Variants in GNS observed in about 807,000 individuals in gnomAD.
GNS encodes N-acetylglucosamine-6-sulfatase.
GNS carries 40 observed loss-of-function variants against 69.7 expected under a neutral mutation model. The observed-to-expected ratio is 0.57, with a 90% CI of 0.45 to 0.75. The LOEUF (loss-of-function observed/expected upper bound fraction) is 0.75. GNS is among the 30% of genes least tolerant of loss of function. The pLI is 0.00. For missense variants in GNS, 565 were observed against 685.5 expected (o/e 0.82, Z 1.96); for synonymous variants, 243 against 251.6 (o/e 0.97, Z 0.32).
chr12:64,736,193 A>T (rs1423397215), intron 9 of GNS, among the ~76,000 whole-genome samples: 1 of 152,194 alleles, frequency 6.6e-6, no homozygotes, highest in African/African-American at 2.4e-5. Context: ...AGTATTTTGG[A>T]TGAAGGTCCT....
In GNS at chr12:64,739,414, T is replaced by C. The variant is rs771918136; in HGVS notation, c.961A>G (p.Ile321Val). The change falls in exon 8 of 14, where the codon ATC (isoleucine) becomes GTC (valine). Residue 321 changes from isoleucine to valine, a missense_variant. Physicochemically the swap from Ile to Val is conservative, Grantham distance 29. This residue lies in a region of GNS where 384 missense variants were observed against 511.0 expected (regional missense o/e 0.75). Transcript: ENST00000258145. The part of the protein sequence containing the change: ...EFTGELNNTY[I>V]FYTSDNGYHT... ...TAGCCATTGTCTGAGGTATAGAAGA[T>C]GTAAGTGTTGTTGAGCTCCCCAGTG... The C allele has an allele frequency of 6.5e-5, 104 of 1,588,222 alleles. No individual in the cohort carries two copies. Among genetic ancestry groups the C allele is most frequent in the Non-Finnish European group, 8.3e-5 (96 of 1,156,634 alleles).
At chr12:64,758,701 G>T (rs1351388547) in intron 1 of GNS, among the ~76,000 whole-genome samples, 2 of 152,094 alleles carry the variant, frequency 1.3e-5, no homozygotes, top group African/African-American at 4.8e-5. Context: ...CCCTCATAAA[G>T]GGGACTGGAC....
At chr12:64,731,923 C>T (rs1869403544) in intron 9 of GNS, among the ~76,000 whole-genome samples, 1 of 152,008 alleles carries the variant, frequency 6.6e-6, no homozygotes, top group Admixed American at 6.6e-5. Context: ...TGAGAGAGCA[C>T]CTATCTCAAA....
intron 2 of GNS, among the ~76,000 whole-genome samples, chr12:64,752,360 A>G (rs1745438390): frequency 6.6e-6 from 1 of 152,144 alleles, no homozygotes; most frequent in Non-Finnish European, 1.5e-5. Context: ...GCTATTTGTC[A>G]GTTTTGGCTA....
intron 10 of GNS, among the ~76,000 whole-genome samples, chr12:64,727,259 A>C (rs1457058291): frequency 7.8e-6 from 1 of 128,714 alleles, no homozygotes; most frequent in Non-Finnish European, 1.7e-5. Context: ...GGGAGACCTC[A>C]TTTCTACTAT....
intron 8 of GNS, 63 bp downstream of exon 8, chr12:64,739,318 A>T: frequency 1.1e-6 from 1 of 884,732 alleles, no homozygotes; most frequent in Admixed American, 1.7e-5. Flanking sequence ...CCCAGGGCTC[A>T]TTGGGTGAAA....
chr12:64,746,577 C>T (rs901804044), intron 3 of GNS, among the ~76,000 whole-genome samples: 3 of 152,108 alleles, frequency 2.0e-5, no homozygotes, highest in African/African-American at 7.2e-5. Context: ...TTTTAGAGCT[C>T]GATTTATCTG....
chr12:64,724,552 C>T (rs939583353), intron 10 of GNS, among the ~76,000 whole-genome samples: 2 of 152,168 alleles, frequency 1.3e-5, no homozygotes, highest in African/African-American at 4.8e-5. Flanking sequence ...TCATGAGTCA[C>T]TGGAGACTTA....
In GNS at chr12:64,743,147, A is replaced by G. The variant is rs1354712059; in HGVS notation, c.786T>C (p.His262=). 1 of 1,610,938 alleles carries G rather than the reference A, an allele frequency of 6.2e-7. No individual in the cohort carries two copies. Among genetic ancestry groups the G allele is most frequent in the Non-Finnish European group, 8.5e-7 (1 of 1,177,240 alleles). The stretch of plus-strand genomic sequence containing the variant: ...AAGTGGTGGGGGAAGCTACCGTTCC[A>G]TGGATGTTGAAGTTCTTGTTTCTTG... The part of the protein sequence containing the change: ...FAPRNKNFNI[H]GTNKHWLIRQ... The change falls in exon 6 of 14, where the codon CAT becomes CAC. Residue 262 remains histidine, a synonymous_variant. Transcript: ENST00000258145.
chr12:64,729,210 A>G (rs1869308235), intron 9 of GNS, 153 bp from the exon 10 acceptor site: 1 of 661,784 alleles, frequency 1.5e-6, no homozygotes, highest in Non-Finnish European at 2.7e-6. Flanking sequence ...CATAGATCCA[A>G]ATATAACTAT....
At chr12:64,720,892 A>C (rs979287810) in intron 12 of GNS, among the ~76,000 whole-genome samples, 2 of 152,210 alleles carry the variant, frequency 1.3e-5, no homozygotes, top group Admixed American at 6.5e-5. Flanking sequence ...GTAGTTATCA[A>C]ACTGATAAAC....
intron 1 of GNS, chr12:64,756,674 G>A (rs528696573): frequency 2.3e-5 from 27 of 1,149,106 alleles, no homozygotes; most frequent in African/African-American, 1.1e-4. Flanking sequence ...TACTCTGCTC[G>A]GCTCCAAGTA....
chr12:64,739,417 A>C lies in GNS; in HGVS notation c.958T>G (p.Tyr320Asp), dbSNP rs1256738182. 6.3e-7 allele frequency: 1 copy of C among 1,593,422 alleles called. No individual in the cohort carries two copies. ...CCATTGTCTGAGGTATAGAAGATGT[A>C]AGTGTTGTTGAGCTCCCCAGTGAAC... ...LEFTGELNNTYIFYTSDNGYH... is the reference protein window; with the variant it reads ...LEFTGELNNTDIFYTSDNGYH... Residue 320 changes from tyrosine to aspartate, a missense_variant, in exon 8 of 14, where the codon TAC becomes GAC. Tyr to Asp is a radical substitution (Grantham distance 160, BLOSUM62 -3). Around this residue, in one of 2 missense-constraint regions of GNS, gnomAD observed 384 missense variants for 511.0 expected, o/e 0.75. Transcript: ENST00000258145.
Position 64,723,767 on chromosome 12 carries a change from C to A in GNS, c.1201-654G>T, listed in dbSNP as rs141413444. Among the ~76,000 whole-genome samples the A allele has an allele frequency of 3.9e-5, 6 of 152,292 alleles. No individual in the cohort carries two copies. In the East Asian group the frequency reaches 1.2e-3, roughly 29 times the overall value. On this transcript the variant is annotated intron_variant, in intron 10 of 13. Transcript: ENST00000258145. The stretch of plus-strand genomic sequence containing the variant: ...TCAAAGAGCATGAATATAGGTTGAA[C>A]GCAGACCACTTAGATGTGTGGCTTC...
intron 12 of GNS, among the ~76,000 whole-genome samples, chr12:64,720,478 A>G (rs1014377321): frequency 1.3e-5 from 2 of 152,184 alleles, no homozygotes; most frequent in Admixed American, 6.5e-5. Context: ...TATGGGGAAG[A>G]AATGCATTAT....
Position 64,747,795 on chromosome 12 carries a change from T to C in GNS, c.376A>G (p.Ile126Val), listed in dbSNP as rs1329871754. The stretch of plus-strand genomic sequence containing the variant: ...GCTGGGAAAGTATTTGGTTCTTGGA[T>C]CTTCTGCCAGGACTTACTACTGCAG... ...GNCSSKSWQK[I>V]QEPNTFPAIL... Residue 126 changes from isoleucine (I) to valine (V), a missense_variant, in exon 3 of 14, where the codon ATC (isoleucine) becomes GTC (valine). Transcript: ENST00000258145. 16 of 1,612,512 alleles carry C rather than the reference T, an allele frequency of 9.9e-6. No individual in the cohort carries two copies. The East Asian group carries it at 3.6e-4, about 36-fold the overall frequency.
At chr12:64,749,223 G>A (rs1424711765) in intron 2 of GNS, among the ~76,000 whole-genome samples, 2 of 145,128 alleles carry the variant, frequency 1.4e-5, no homozygotes, top group African/African-American at 5.1e-5. Context: ...ACAGGCGTGA[G>A]CCACTGTGCC....
rs1869833264 is a variant in GNS, at chr12:64,744,290, C to T, written c.624+519G>A. On this transcript the variant is annotated intron_variant, in intron 5 of 13. Transcript: ENST00000258145. ...CATTTACTGTTGAACACTGGCTACA[C>T]TAGGTGCTCAACTATTGAGTGAATA... 2.0e-5 allele frequency among the ~76,000 whole-genome samples: 3 copies of T among 152,338 alleles called. No individual in the cohort carries two copies. In the South Asian group the frequency reaches 6.2e-4, roughly 32 times the overall value.
At position 64,747,694 on chromosome 12, in the gene GNS, A is replaced by G; in HGVS notation, c.459+18T>C. On this transcript the variant is annotated intron_variant, in intron 3 of 13. Coordinates refer to ENST00000258145, the MANE Select transcript of GNS (RefSeq NM_002076.4). ...TTTAAAAGCCATTATAAAAAAAGAAACAGATCATTCAACATACCTCATTTA... is the reference window on the plus strand; with the variant it reads ...TTTAAAAGCCATTATAAAAAAAGAAGCAGATCATTCAACATACCTCATTTA... 7.6e-7 allele frequency: 1 copy of G among 1,319,426 alleles called. No individual in the cohort carries two copies. The allele number at this position is 1,319,426 out of a possible 1,614,324, so 81.7% of individuals were successfully genotyped here.
Sources: allele counts gnomAD v4.1 joint callset (sites outside exome capture counted in the v4.1 genomes callset), GRCh38; gene constraint gnomAD v4.1.1; regional missense constraint gnomAD v4.1.1; transcripts MANE v1.5; gene names NCBI Gene and HGNC (gene_info 2026-07-23, HGNC 2026-07-21).